Variants in MTMR12 observed in about 807,000 individuals in gnomAD.
MTMR12 encodes myotubularin related protein 12.
A neutral mutation model predicts 96.7 loss-of-function variants in MTMR12; 33 were observed. The observed-to-expected ratio is 0.34, with a 90% CI of 0.26 to 0.46. MTMR12 has a LOEUF of 0.46. Among genes scored for constraint, MTMR12 ranks in the 20% least tolerant of loss-of-function variants. MTMR12 has a pLI of 1.00. For synonymous variants in MTMR12, 298 were observed against 327.2 expected, an observed-to-expected ratio of 0.91 and a Z score of 0.96; for missense variants, 721 against 896.1, an observed-to-expected ratio of 0.80 and a Z score of 2.49.
intron 1 of MTMR12, among the ~76,000 whole-genome samples, chr5:32,286,551 C>G (rs992517662): frequency 2.8e-4 from 42 of 151,664 alleles, no homozygotes; most frequent in Admixed American, 2.1e-3. Flanking sequence ...TTTGCCCTCA[C>G]GAAATTCAGA....
Position 32,229,804 on chromosome 5 carries a change from C to T in MTMR12, c.2218G>A (p.Glu740Lys), listed in dbSNP as rs1747917537. Residue 740 changes from glutamate (E) to lysine (K), a missense_variant, in exon 16 of 16, where the codon GAG (glutamate) becomes AAG (lysine). By Grantham distance (56) the Glu-to-Lys change is moderately conservative. Coordinates refer to ENST00000382142, the MANE Select transcript of MTMR12 (RefSeq NM_001040446.3). ...CACACATCCCCTAGGTCCACGAACT[C>T]ATCTTCTCGTTTGGCCAAATCGTCT... ...DEDDLAKRED[E>K]FVDLGDV is the part of the protein sequence containing the mutation. 1 of 1,553,314 alleles carries T rather than the reference C, an allele frequency of 6.4e-7. No individual in the cohort carries two copies. Among genetic ancestry groups the T allele is most frequent in the Non-Finnish European group, 8.7e-7 (1 of 1,150,504 alleles).
chr5:32,298,191 G>A (rs1468561664), intron 1 of MTMR12, among the ~76,000 whole-genome samples: 6 of 152,206 alleles, frequency 3.9e-5, no homozygotes, highest in Admixed American at 1.3e-4. Flanking sequence ...AGTGGGAAGT[G>A]GAGAGGCCAG....
At chr5:32,306,021 T>G in intron 1 of MTMR12, among the ~76,000 whole-genome samples, 1 of 152,158 alleles carries the variant, frequency 6.6e-6, no homozygotes, top group East Asian at 1.9e-4. Context: ...GATCCCTGTA[T>G]CTGCTCAGCA....
chr5:32,232,072 G>A (rs1001854238), intron 15 of MTMR12, among the ~76,000 whole-genome samples: 4 of 152,206 alleles, frequency 2.6e-5, no homozygotes, highest in Admixed American at 2.6e-4. Context: ...CCTAAGCAAA[G>A]GGAGCACTCA....
intron 1 of MTMR12, among the ~76,000 whole-genome samples, chr5:32,304,539 A>G (rs543088436): frequency 6.6e-6 from 1 of 152,338 alleles, no homozygotes; most frequent in East Asian, 1.9e-4. Flanking sequence ...AGCCCTTATG[A>G]TAATGGAATT....
At chr5:32,260,107 T>G (rs1002765975) in intron 7 of MTMR12, among the ~76,000 whole-genome samples, 3 of 150,222 alleles carry the variant, frequency 2.0e-5, no homozygotes, top group African/African-American at 7.4e-5. Context: ...ATTATACTTG[T>G]GCAGCTAGAA....
In MTMR12 at chr5:32,233,444, T is replaced by G. The variant is rs1198193618; in HGVS notation, c.1674+329A>C. Among the ~76,000 whole-genome samples the G allele has an allele frequency of 1.4e-5, 2 of 144,170 alleles. No individual in the cohort carries two copies. The highest frequency in any genetic ancestry group is 5.3e-5 in the African/African-American group (2 of 37,398). The allele number at this position is 144,170 out of a possible 152,430, so 94.6% of individuals were successfully genotyped here. A position where few individuals can be genotyped will look rare whatever the true frequency, so the allele number is the denominator to read the frequency against. ...TAAAACCCACACAATCAATGTTCCT[T>G]TTACTCTACTAACACACACACACAC... On this transcript the variant is annotated intron_variant, in intron 15 of 15. Coordinates refer to ENST00000382142, the MANE Select transcript of MTMR12 (RefSeq NM_001040446.3). The surrounding 1 kb of genome is among the most constrained non-coding windows in gnomAD (Gnocchi z 5.0).
intron 10 of MTMR12, among the ~76,000 whole-genome samples, chr5:32,244,769 A>G (rs1050072247): frequency 3.3e-5 from 5 of 152,250 alleles, no homozygotes; most frequent in Non-Finnish European, 7.3e-5. Flanking sequence ...GCAAGAATAT[A>G]AGCTCTTGGT....
chr5:32,311,788 C>T (rs575107359), intron 1 of MTMR12, among the ~76,000 whole-genome samples: 4 of 152,346 alleles, frequency 2.6e-5, no homozygotes, highest in Middle Eastern at 3.4e-3. Flanking sequence ...CACACTCCCA[C>T]CTCACGACCT....
intron 1 of MTMR12, among the ~76,000 whole-genome samples, chr5:32,278,288 A>T (rs946720092): frequency 1.1e-4 from 16 of 152,354 alleles, no homozygotes; most frequent in African/African-American, 3.8e-4. Context: ...ACAGAGAAAC[A>T]TGTCAAATAA....
chr5:32,252,006 A>G (rs564352477), intron 8 of MTMR12, among the ~76,000 whole-genome samples: 1 of 152,346 alleles, frequency 6.6e-6, no homozygotes, highest in South Asian at 2.1e-4. Flanking sequence ...GTTAAATAGC[A>G]TACTGCTGGG....
At chr5:32,241,729 G>A (rs1440243343) in intron 12 of MTMR12, among the ~76,000 whole-genome samples, 1 of 152,162 alleles carries the variant, frequency 6.6e-6, no homozygotes, top group Non-Finnish European at 1.5e-5. Context: ...TTATATAAGA[G>A]GGATTCTAAA....
Position 32,312,628 on chromosome 5 carries a change from T to C in MTMR12, c.81+130A>G. Reference sequence around the variant, plus strand: ...CGCGCTCCTGCGGCCTCAGCCCGCCTGGCTGCCCCGTCGCCCGGCACAAGG... The same window carrying C: ...CGCGCTCCTGCGGCCTCAGCCCGCCCGGCTGCCCCGTCGCCCGGCACAAGG... On this transcript the variant is annotated intron_variant, in intron 1 of 15. Transcript: ENST00000382142. This position sits in a 1 kb window ranked among gnomAD's most constrained non-coding sequence, Gnocchi z 5.0. 1 of 866,294 alleles carries C rather than the reference T, an allele frequency of 1.2e-6. No homozygotes were observed. The highest frequency in any genetic ancestry group is 4.2e-5 in the East Asian group (1 of 24,082). The allele number at this position is 866,294 out of a possible 1,614,324, so 53.7% of individuals were successfully genotyped here. A position where few individuals can be genotyped will look rare whatever the true frequency, so the allele number is the denominator to read the frequency against.
Position 32,272,012 on chromosome 5 carries a change from C to T in MTMR12, c.286-107G>A. The T allele has an allele frequency of 7.9e-6, 5 of 632,126 alleles. No individual in the cohort carries two copies. In the South Asian group the frequency reaches 8.1e-5, roughly 10 times the overall value. 39.2% of individuals were successfully genotyped at this position (632,126 alleles called of 1,614,324 possible). On this transcript the variant is annotated intron_variant, in intron 3 of 15. Transcript: ENST00000382142. ...CTTGGATATTAAGAAAAATGGGGGG[C>T]CGGGTGCAGTGGCTCACACCTGTAA...
chr5:32,264,800 A>G (rs1260351550), intron 6 of MTMR12, among the ~76,000 whole-genome samples: 2 of 152,130 alleles, frequency 1.3e-5, no homozygotes, highest in Non-Finnish European at 1.5e-5. Context: ...ACCCTATAGA[A>G]TAGATAATAC....
intron 1 of MTMR12, among the ~76,000 whole-genome samples, chr5:32,294,616 C>T (rs1750858297): frequency 6.6e-6 from 1 of 152,132 alleles, no homozygotes; most frequent in Non-Finnish European, 1.5e-5. Flanking sequence ...TAGCACTTTT[C>T]ACGCTGAACT....
chr5:32,298,720 G>T (rs1413771624), intron 1 of MTMR12, among the ~76,000 whole-genome samples: 6 of 151,894 alleles, frequency 4.0e-5, no homozygotes, highest in Non-Finnish European at 8.8e-5. Context: ...AGGCAGAGGC[G>T]GGCGGATCAT....
chr5:32,241,009 T>C (rs1229334227), intron 12 of MTMR12, among the ~76,000 whole-genome samples: 1 of 152,216 alleles, frequency 6.6e-6, no homozygotes, highest in Non-Finnish European at 1.5e-5. Context: ...GGTGAGACAA[T>C]TCAGTAGTCC....
intron 1 of MTMR12, among the ~76,000 whole-genome samples, chr5:32,278,592 G>A (rs1750151938): frequency 6.6e-6 from 1 of 152,046 alleles, no homozygotes; most frequent in Admixed American, 6.5e-5. Flanking sequence ...GAGGCAGTGT[G>A]GTCAGATCAC....
Sources: gnomAD v4.1 joint callset for allele counts (sites outside exome capture counted in the v4.1 genomes callset) on GRCh38, gnomAD v4.1.1 for gene constraint, Gnocchi (gnomAD v3.1) non-coding constraint, MANE v1.5 for transcripts, NCBI Gene and HGNC (gene_info 2026-07-23, HGNC 2026-07-21) for gene names.